Variants in PIKFYVE observed in about 807,000 individuals in gnomAD.
PIKFYVE encodes the protein 1-phosphatidylinositol 3-phosphate 5-kinase.
In PIKFYVE, 122 loss-of-function variants were observed where a neutral mutation model predicts 257.9. The observed-to-expected ratio is 0.47, with a 90% CI of 0.41 to 0.55. The LOEUF is 0.55. Among genes scored for constraint, PIKFYVE ranks in the 20% least tolerant of loss-of-function variants. PIKFYVE has a pLI of 0.00. For synonymous variants in PIKFYVE, 892 were observed against 868.9 expected, an observed-to-expected ratio of 1.03 and a Z score of -0.47; for missense variants, 2,160 against 2,536.6, an observed-to-expected ratio of 0.85 and a Z score of 3.19.
At chr2:208,276,650 C>T (rs1442595012) in intron 3 of PIKFYVE, 62 bp from the exon 4 acceptor site, 2 of 1,186,274 alleles carry the variant, frequency 1.7e-6, no homozygotes, top group Non-Finnish European at 2.5e-6. Context: ...CACATATATA[C>T]CTTGTTGTAT....
At chr2:208,317,643 T>C (rs779935177) in intron 15 of PIKFYVE, among the ~76,000 whole-genome samples, 35 of 152,206 alleles carry the variant, frequency 2.3e-4, no homozygotes, top group Non-Finnish European at 4.4e-4. Flanking sequence ...GTGAGTACTT[T>C]AGAGTCCTAG....
chr2:208,321,364 G>A (rs1311740003), intron 17 of PIKFYVE, among the ~76,000 whole-genome samples: 1 of 151,932 alleles, frequency 6.6e-6, no homozygotes, highest in Admixed American at 6.6e-5. Context: ...TGATTTCCTA[G>A]ATAACAATAA....
chr2:208,338,331 G>T (rs1038311953), intron 28 of PIKFYVE, among the ~76,000 whole-genome samples, 177 bp from the exon 29 acceptor site: 1 of 151,686 alleles, frequency 6.6e-6, no homozygotes, highest in African/African-American at 2.4e-5. Flanking sequence ...TTTCTAATAA[G>T]GTAAAAATTT....
At position 208,356,352 on chromosome 2, in the gene PIKFYVE, T is replaced by C. The variant is rs1431413006; in HGVS notation, c.*1047T>C. 3.3e-5 allele frequency: 5 copies of C among 152,176 alleles called. No homozygotes were observed. The allele number at this position is 152,176 out of a possible 1,614,324, so 9.4% of individuals were successfully genotyped here. A position where few individuals can be genotyped will look rare whatever the true frequency, so the allele number is the denominator to read the frequency against. ...CTACATAATGGCTAGTTCTGACTAC[T>C]AAGAAATGTTAAGAAATAGGCCAAG... On this transcript the variant is annotated 3_prime_UTR_variant, in exon 42 of 42. Coordinates refer to ENST00000264380, the MANE Select transcript of PIKFYVE (RefSeq NM_015040.4).
chr2:208,333,541 C>A, intron 24 of PIKFYVE, 48 bp downstream of exon 24: 1 of 1,578,058 alleles, frequency 6.3e-7, no homozygotes, highest in Non-Finnish European at 8.7e-7. Flanking sequence ...CTCATAATCC[C>A]TTAAGAATTT....
chr2:208,283,495 G>T (rs1050192109), intron 5 of PIKFYVE, among the ~76,000 whole-genome samples: 2 of 152,110 alleles, frequency 1.3e-5, no homozygotes, highest in African/African-American at 4.8e-5. Context: ...GGTTAGGCGA[G>T]ATTTCCTTTA....
chr2:208,331,519 G>C (rs62195310), intron 23 of PIKFYVE, among the ~76,000 whole-genome samples: 188 of 152,252 alleles, frequency 1.2e-3, no homozygotes, highest in South Asian at 4.6e-3. Flanking sequence ...TGGGACTACA[G>C]GCATGCGCCA....
intron 17 of PIKFYVE, among the ~76,000 whole-genome samples, chr2:208,321,128 A>G (rs1166687877): frequency 1.3e-5 from 2 of 152,166 alleles, no homozygotes; most frequent in East Asian, 1.9e-4. Context: ...CTGAAGGTAT[A>G]AAGTTGCATA....
At chr2:208,286,316 G>T (rs981607807) in intron 6 of PIKFYVE, among the ~76,000 whole-genome samples, 8 of 152,188 alleles carry the variant, frequency 5.3e-5, no homozygotes, top group African/African-American at 1.9e-4. Context: ...TCTGTGAGAA[G>T]AAGAATGCCT....
chr2:208,349,958 G>A, intron 35 of PIKFYVE, 66 bp from the exon 36 acceptor site: 1 of 1,588,654 alleles, frequency 6.3e-7, no homozygotes, highest in Non-Finnish European at 8.6e-7. Context: ...AAGGAAAAAG[G>A]AAAGGACAAA....
At chr2:208,342,499 A>T (rs1215807464) in intron 31 of PIKFYVE, 55 bp from the exon 32 acceptor site, 7 of 1,346,832 alleles carry the variant, frequency 5.2e-6, no homozygotes, top group Non-Finnish European at 7.5e-6. Flanking sequence ...TTTCTTAATT[A>T]TATTCTTAAC....
At chr2:208,288,268 G>C (rs1051959201) in intron 6 of PIKFYVE, among the ~76,000 whole-genome samples, 1 of 152,126 alleles carries the variant, frequency 6.6e-6, no homozygotes, top group African/African-American at 2.4e-5. Flanking sequence ...TGGATGCTGA[G>C]GTTTAGCGAG....
Position 208,273,589 on chromosome 2 carries a change from G to T in PIKFYVE, c.178G>T (p.Ala60Ser). 6.2e-7 allele frequency: 1 copy of T among 1,614,202 alleles called. No individual in the cohort carries two copies. The highest frequency in any genetic ancestry group is 8.5e-7 in the Non-Finnish European group (1 of 1,180,050). Residue 60 changes from alanine to serine, a missense_variant, in exon 3 of 42, where the codon GCA (alanine) becomes TCA (serine). Physicochemically the swap from Ala to Ser is moderately conservative, Grantham distance 99. Around this residue, in one of 12 missense-constraint regions of PIKFYVE, gnomAD observed 172 missense variants for 180.6 expected, o/e 0.95. Coordinates refer to ENST00000264380, the MANE Select transcript of PIKFYVE (RefSeq NM_015040.4). ...VNLFRFNKER[A>S]EGGQGEQQPL... ...CAAGCGTTCCCTTGCTACAGAGAGAGCAGAAGGAGGCCAGGGAGAACAGCA... is the reference window on the plus strand; with the variant it reads ...CAAGCGTTCCCTTGCTACAGAGAGATCAGAAGGAGGCCAGGGAGAACAGCA...
At chr2:208,295,075 C>G (rs778556052) in intron 7 of PIKFYVE, among the ~76,000 whole-genome samples, 2 of 152,172 alleles carry the variant, frequency 1.3e-5, no homozygotes, top group Non-Finnish European at 2.9e-5. Flanking sequence ...TTACTGGTTC[C>G]CATGGAGGTT....
In PIKFYVE at chr2:208,325,977, A is replaced by G. The variant is rs142274980; in HGVS notation, c.3166A>G (p.Ile1056Val). 1.0e-4 allele frequency: 168 copies of G among 1,614,016 alleles called. No homozygotes were observed. The African/African-American group carries it at 1.9e-3, about 18-fold the overall frequency. The change falls in exon 20 of 42, where the codon ATC (isoleucine) becomes GTC (valine). Residue 1056 changes from isoleucine to valine, a missense_variant. Ile to Val is a conservative substitution (Grantham distance 29). Transcript: ENST00000264380. The stretch of plus-strand genomic sequence containing the variant: ...GGAATTAAAAGATGTGATCCTCTGT[A>G]TCTCCCCAGTAATCACATTCCGAGA... The part of the protein sequence containing the change: ...KQELKDVILC[I>V]SPVITFREPF...
chr2:208,301,330 CAGA>C (rs1337218364), intron 9 of PIKFYVE, among the ~76,000 whole-genome samples: 4 of 152,220 alleles, frequency 2.6e-5, no homozygotes, highest in South Asian at 4.1e-4. Context: ...TTATTAAAAG[CAGA>C]AGAACTCTCT....
chr2:208,308,604 C>T (rs1694616233), intron 12 of PIKFYVE, among the ~76,000 whole-genome samples: 1 of 152,116 alleles, frequency 6.6e-6, no homozygotes, highest in South Asian at 2.1e-4. Flanking sequence ...ACTCCCTCAA[C>T]CTCTGGTAAC....
At chr2:208,307,422 G>C (rs1694456416) in intron 12 of PIKFYVE, among the ~76,000 whole-genome samples, 1 of 152,168 alleles carries the variant, frequency 6.6e-6, no homozygotes, top group African/African-American at 2.4e-5. Context: ...AGAATTAATG[G>C]TTTTTTAAAT....
Position 208,346,071 on chromosome 2 carries a change from G to A in PIKFYVE, c.5133G>A (p.Lys1711=). 2 of 1,613,096 alleles carry A rather than the reference G, an allele frequency of 1.2e-6. No homozygotes were observed. The highest frequency in any genetic ancestry group is 1.7e-6 in the Non-Finnish European group (2 of 1,179,424). Reference sequence around the variant, plus strand: ...TTAGTACTTCAGATAGCAGACCAAAGAGTAGCAGCCCTATCAGATTACCTG... The same window carrying A: ...TTAGTACTTCAGATAGCAGACCAAAAAGTAGCAGCCCTATCAGATTACCTG... ...PTNSTSDSRP[K]SSSPIRLPEM... is the part of the protein sequence containing the mutation. Residue 1711 remains lysine (K), a synonymous_variant, in exon 34 of 42, where the codon AAG becomes AAA. Transcript: ENST00000264380.
Sources: gnomAD v4.1 joint callset for allele counts (sites outside exome capture counted in the v4.1 genomes callset) on GRCh38, gnomAD v4.1.1 for gene constraint, gnomAD v4.1.1 regional missense constraint, MANE v1.5 for transcripts, NCBI Gene and HGNC (gene_info 2026-07-23, HGNC 2026-07-21) for gene names.